Variants in CNOT6L observed in about 807,000 individuals in gnomAD.
CNOT6L encodes the protein CCR4-NOT transcription complex subunit 6 like.
A neutral mutation model predicts 64.0 loss-of-function variants in CNOT6L; 7 were observed. The ratio of observed to expected loss-of-function variants is 0.11; its 90% confidence interval spans 0.06 to 0.21. The LOEUF (loss-of-function observed/expected upper bound fraction) is 0.21, where lower values mean the gene tolerates loss of function less well. Among genes scored for constraint, CNOT6L ranks in the 10% least tolerant of loss-of-function variants. CNOT6L has a pLI of 1.00. For missense variants in CNOT6L, 245 were observed against 669.0 expected, an observed-to-expected ratio of 0.37 and a Z score of 6.99; for synonymous variants, 193 against 243.4, an observed-to-expected ratio of 0.79 and a Z score of 1.93.
chr4:77,720,735 T>C, intron 11 of CNOT6L, 92 bp from the exon 12 acceptor site: 1 of 1,214,596 alleles, frequency 8.2e-7, no homozygotes, highest in Non-Finnish European at 1.2e-6. Flanking sequence ...CTGACTACCC[T>C]TTCTTCTGGT....
At chr4:77,737,572 C>T (rs1219081887) in intron 8 of CNOT6L, among the ~76,000 whole-genome samples, 1 of 151,886 alleles carries the variant, frequency 6.6e-6, no homozygotes, top group South Asian at 2.1e-4. Context: ...AGGCGCCCAC[C>T]ACCAAGCCCA....
intron 1 of CNOT6L, among the ~76,000 whole-genome samples, chr4:77,807,396 C>T (rs562888814): frequency 6.6e-6 from 1 of 150,998 alleles, no homozygotes; most frequent in Admixed American, 6.6e-5. Context: ...AAAAAACTCA[C>T]AGTCTAACGC....
At chr4:77,778,563 G>C (rs576854231) in intron 1 of CNOT6L, among the ~76,000 whole-genome samples, 1 of 152,050 alleles carries the variant, frequency 6.6e-6, no homozygotes, top group East Asian at 2.0e-4. Flanking sequence ...GTGTCACCAC[G>C]CCTGGCTAAT....
intron 1 of CNOT6L, among the ~76,000 whole-genome samples, chr4:77,804,850 T>C (rs1732040413): frequency 6.6e-6 from 1 of 152,184 alleles, no homozygotes; most frequent in Non-Finnish European, 1.5e-5. Flanking sequence ...AAAAAGCAAA[T>C]TTTTAAAAAA....
At chr4:77,755,234 T>G (rs1011080658) in intron 5 of CNOT6L, among the ~76,000 whole-genome samples, 12 of 111,086 alleles carry the variant, frequency 1.1e-4, no homozygotes, top group African/African-American at 3.4e-4. Context: ...TTTTTTTTTT[T>G]TTTTTTTTTT....
chr4:77,764,954 G>A lies in CNOT6L; in HGVS notation c.401-8003C>T, dbSNP rs144003796. On this transcript the variant is annotated intron_variant, in intron 4 of 11. Transcript: ENST00000504123. ...GCAACTCTATCTTGAGTAGGGGCTG[G>A]GTAAAATAAGACTGAGACCTACTGG... 4.3e-3 allele frequency among the ~76,000 whole-genome samples: 652 copies of A among 152,256 alleles called. 7 individuals carry two copies. The highest frequency in any genetic ancestry group is 0.015 in the African/African-American group (628 of 41,530).
chr4:77,722,046 T>C (rs968301316), intron 11 of CNOT6L, among the ~76,000 whole-genome samples: 2 of 151,942 alleles, frequency 1.3e-5, no homozygotes, highest in African/African-American at 2.4e-5. Flanking sequence ...GGAACTTACA[T>C]GAGTCCAGGG....
intron 1 of CNOT6L, among the ~76,000 whole-genome samples, chr4:77,790,308 C>T (rs1477099332): frequency 6.6e-6 from 1 of 152,186 alleles, no homozygotes; most frequent in African/African-American, 2.4e-5. Flanking sequence ...ATCCACTCAC[C>T]TACTGAAGGA....
intron 1 of CNOT6L, among the ~76,000 whole-genome samples, chr4:77,817,104 T>C (rs1002680739): frequency 6.6e-6 from 1 of 152,196 alleles, no homozygotes; most frequent in Non-Finnish European, 1.5e-5. Flanking sequence ...TCCTTTTTAA[T>C]GTTTAACTGT....
chr4:77,803,960 A>G lies in CNOT6L; in HGVS notation c.5+15344T>C, dbSNP rs1731918977. ...ATGTAAAACAGCGCTGCTACTGTGG[A>G]AAAGTTTGTCAATTCCTCAAAAAGT... On this transcript the variant is annotated intron_variant, in intron 1 of 11. Coordinates refer to ENST00000504123, the MANE Select transcript of CNOT6L (RefSeq NM_144571.3). 1.3e-5 allele frequency among the ~76,000 whole-genome samples: 2 copies of G among 152,106 alleles called. 1 individual carries two copies. Among genetic ancestry groups the G allele is most frequent in the Admixed American group, 1.3e-4 (2 of 15,264 alleles).
intron 11 of CNOT6L, among the ~76,000 whole-genome samples, chr4:77,723,735 C>T (rs1721539856): frequency 6.6e-6 from 1 of 152,162 alleles, no homozygotes; most frequent in Admixed American, 6.5e-5. Context: ...TCTTATACAT[C>T]CAAACATCAA....
chr4:77,779,184 TTC>T (rs2110075986), intron 1 of CNOT6L, among the ~76,000 whole-genome samples: 1 of 152,150 alleles, frequency 6.6e-6, no homozygotes, highest in East Asian at 1.9e-4. Context: ...TGGAGGCATA[TTC>T]TTTTTATATC....
At chr4:77,769,670 G>C (rs950190410) in intron 4 of CNOT6L, among the ~76,000 whole-genome samples, 5 of 151,902 alleles carry the variant, frequency 3.3e-5, no homozygotes, top group African/African-American at 1.2e-4. Flanking sequence ...TTGGCTAATA[G>C]GAGAATGACT....
At chr4:77,741,016 A>G (rs1370286109) in intron 8 of CNOT6L, among the ~76,000 whole-genome samples, 1 of 152,214 alleles carries the variant, frequency 6.6e-6, no homozygotes, top group African/African-American at 2.4e-5. Context: ...CAACAACAAA[A>G]TCACCTAATG....
intron 4 of CNOT6L, among the ~76,000 whole-genome samples, chr4:77,769,123 G>A (rs1364846812): frequency 1.3e-5 from 2 of 152,054 alleles, no homozygotes; most frequent in Admixed American, 1.3e-4. Context: ...GCATCAACAT[G>A]GCTGAATCAT....
chr4:77,746,807 T>C (rs1037035146), intron 6 of CNOT6L, among the ~76,000 whole-genome samples: 5 of 152,272 alleles, frequency 3.3e-5, no homozygotes, highest in African/African-American at 1.2e-4. Flanking sequence ...TAGAAAACCT[T>C]AGGTACTCCT....
At position 77,793,393 on chromosome 4, in the gene CNOT6L, C is replaced by T. The variant is rs558099128; in HGVS notation, c.6-17001G>A. 5.3e-5 allele frequency among the ~76,000 whole-genome samples: 8 copies of T among 152,250 alleles called. No homozygotes were observed. The South Asian group carries it at 1.5e-3, about 28-fold the overall frequency. On this transcript the variant is annotated intron_variant, in intron 1 of 11. Coordinates refer to ENST00000504123, the MANE Select transcript of CNOT6L (RefSeq NM_144571.3). Reference sequence around the variant, plus strand: ...GACAAACATTATCCATAGTGTTTTACGCGTCAGTAATCACAACTTTTAAGT... The same window carrying T: ...GACAAACATTATCCATAGTGTTTTATGCGTCAGTAATCACAACTTTTAAGT...
At chr4:77,819,184 G>C in intron 1 of CNOT6L, 120 bp downstream of exon 1, 4 of 1,596,170 alleles carry the variant, frequency 2.5e-6, no homozygotes, top group South Asian at 1.1e-5. Flanking sequence ...CTCCCCGCCC[G>C]CCAAAGTCCC....
chr4:77,722,398 T>G (rs1721371740), intron 11 of CNOT6L, among the ~76,000 whole-genome samples: 1 of 151,914 alleles, frequency 6.6e-6, no homozygotes, highest in African/African-American at 2.4e-5. Context: ...TCCTCTCTAC[T>G]AAAAATACAA....
Sources: allele counts gnomAD v4.1 joint callset (sites outside exome capture counted in the v4.1 genomes callset), GRCh38; gene constraint gnomAD v4.1.1; transcripts MANE v1.5; gene names NCBI Gene and HGNC (gene_info 2026-07-23, HGNC 2026-07-21).